The following CAPS2 variants were observed in gnomAD, a reference collection of about 807,000 sequenced individuals.
CAPS2 encodes the protein calcyphosin-2.
A neutral mutation model predicts 86.5 loss-of-function variants in CAPS2; 98 were observed. The ratio of observed to expected loss-of-function variants is 1.13; its 90% CI spans 0.96 to 1.34. CAPS2 has a LOEUF of 1.34. Ranked by LOEUF, CAPS2 falls within the 40% of genes most tolerant of loss-of-function variation. CAPS2 has a pLI of 0.00. For missense variants in CAPS2, 729 were observed against 686.8 expected, an observed-to-expected ratio of 1.06 and a Z score of -0.69; for synonymous variants, 210 against 225.1, an observed-to-expected ratio of 0.93 and a Z score of 0.60.
chr12:75,368,100 T>C (rs1207103514), intron 1 of CAPS2, among the ~76,000 whole-genome samples: 2 of 152,206 alleles, frequency 1.3e-5, no homozygotes, highest in East Asian at 1.9e-4. Context: ...CGGTTTCTAA[T>C]ATAACACAGC....
chr12:75,277,740 T>C (rs2137937318), exon 17 of CAPS2: 1 of 835,628 alleles, frequency 1.2e-6, no homozygotes, highest in East Asian at 1.2e-4. Context: ...AAGTAAATAT[T>C]TTCATTTTGA....
In CAPS2 at chr12:75,354,111, C is replaced by G. The variant is rs1026414732; in HGVS notation, c.-394-30889G>C. ...ACAAAAATGTCCTCTCTCACCACTT[C>G]TATTCAACATAGTATTGGAAGTTCT... On this transcript the variant is annotated intron_variant, in intron 1 of 5. Transcript: ENST00000551829. Among the ~76,000 whole-genome samples the G allele has an allele frequency of 5.1e-5, 7 of 136,564 alleles. No homozygotes were observed. In the East Asian group the frequency reaches 1.6e-3, roughly 31 times the overall value. 89.6% of individuals were successfully genotyped at this position (136,564 alleles called of 152,430 possible). A position where few individuals can be genotyped will look rare whatever the true frequency, so the allele number is the denominator to read the frequency against.
chr12:75,320,858 AATTT>A (rs1217426479), intron 5 of CAPS2, among the ~76,000 whole-genome samples: 1 of 151,956 alleles, frequency 6.6e-6, no homozygotes, highest in African/African-American at 2.4e-5. Flanking sequence ...TACTATGTTT[AATTT>A]ATTATTATAT....
At position 75,364,467 on chromosome 12, in the gene CAPS2, T is replaced by TGGAA. The variant is rs2043829945; in HGVS notation, c.-395+26367_-395+26370dup. Reference sequence around the variant, plus strand: ...GCCCCAGGTTCATCCTGTCCCTCAGTGGAACCCCTATTGCCAAGGGACCTA... The same window carrying TGGAA: ...GCCCCAGGTTCATCCTGTCCCTCAGTGGAAGGAACCCCTATTGCCAAGGGACCTA... On this transcript the variant is annotated intron_variant, in intron 1 of 5. Transcript: ENST00000551829. Among the ~76,000 whole-genome samples the TGGAA allele has an allele frequency of 3.9e-5, 6 of 152,324 alleles. No individual in the cohort carries two copies. In the South Asian group the frequency reaches 1.2e-3, roughly 32 times the overall value.
At chr12:75,312,508 A>C (rs1282267565) in intron 7 of CAPS2, among the ~76,000 whole-genome samples, 1 of 152,240 alleles carries the variant, frequency 6.6e-6, no homozygotes, top group East Asian at 1.9e-4. Context: ...TGCAGTGCCC[A>C]TAAGATGCAT....
chr12:75,349,109 T>C (rs2139414996), intron 1 of CAPS2, among the ~76,000 whole-genome samples: 1 of 152,262 alleles, frequency 6.6e-6, no homozygotes, highest in Non-Finnish European at 1.5e-5. Flanking sequence ...ATAATATTCC[T>C]AGAGTATTGA....
intron 14 of CAPS2, among the ~76,000 whole-genome samples, chr12:75,287,725 A>G (rs2035150170): frequency 6.6e-6 from 1 of 152,160 alleles, no homozygotes; most frequent in Non-Finnish European, 1.5e-5. Flanking sequence ...TGTAATATCC[A>G]TTAGAGTAAA....
At chr12:75,330,218 A>G (rs1369523212), upstream of CAPS2, among the ~76,000 whole-genome samples, 1 of 152,040 alleles carries the variant, frequency 6.6e-6, no homozygotes, top group Non-Finnish European at 1.5e-5. Flanking sequence ...ACCGGAACTG[A>G]GCTTGTGGCC....
At chr12:75,277,944 T>A (rs2033203258) in exon 17 of CAPS2, 2 of 846,928 alleles carry the variant, frequency 2.4e-6, no homozygotes, top group Non-Finnish European at 2.8e-6. Flanking sequence ...TTCAATTGTT[T>A]GTTATACTAA....
chr12:75,305,950 G>T, intron 7 of CAPS2: 2 of 1,172,102 alleles, frequency 1.7e-6, no homozygotes, highest in Non-Finnish European at 2.5e-6. Flanking sequence ...GGAGCCCGAG[G>T]AGCATGGACA....
chr12:75,318,763 T>C (rs904692229), intron 5 of CAPS2, among the ~76,000 whole-genome samples: 1 of 151,596 alleles, frequency 6.6e-6, no homozygotes, highest in African/African-American at 2.4e-5. Flanking sequence ...ATTCCATTGA[T>C]TGATTTTTTT....
At chr12:75,343,551 C>A in intron 1 of CAPS2, 1 of 655,890 alleles carries the variant, frequency 1.5e-6, no homozygotes, top group Non-Finnish European at 2.5e-6. Context: ...AAATCACTAA[C>A]TATGCACATA....
downstream of CAPS2, chr12:75,276,352 A>G: frequency 2.1e-6 from 3 of 1,429,484 alleles, no homozygotes; most frequent in South Asian, 4.6e-5. Context: ...AACATAGCCT[A>G]ATGTACACAA....
At chr12:75,278,218 T>C (rs2033248729) in exon 17 of CAPS2, 11 of 981,986 alleles carry the variant, frequency 1.1e-5, no homozygotes, top group Non-Finnish European at 1.3e-5. Context: ...AATAACTACA[T>C]TGTGCTCTAT....
At chr12:75,389,978 T>C (rs1314223755) in intron 1 of CAPS2, among the ~76,000 whole-genome samples, 1 of 152,202 alleles carries the variant, frequency 6.6e-6, no homozygotes, top group African/African-American at 2.4e-5. Context: ...AGGTCTATTG[T>C]TTTTCAATTG....
At chr12:75,317,252 C>T (rs1002701677) in intron 5 of CAPS2, among the ~76,000 whole-genome samples, 6 of 151,902 alleles carry the variant, frequency 3.9e-5, no homozygotes, top group Non-Finnish European at 8.8e-5. Flanking sequence ...AGTGAGCACT[C>T]GATAAATATT....
At chr12:75,366,488 A>G (rs574781397) in intron 1 of CAPS2, among the ~76,000 whole-genome samples, 3 of 152,234 alleles carry the variant, frequency 2.0e-5, no homozygotes, top group Admixed American at 6.5e-5. Flanking sequence ...TGCAAAACAG[A>G]CCATAATATG....
chr12:75,344,929 G>C (rs2042351398), intron 1 of CAPS2, among the ~76,000 whole-genome samples: 1 of 152,108 alleles, frequency 6.6e-6, no homozygotes, highest in African/African-American at 2.4e-5. Context: ...AAGTTGTCCA[G>C]TTTGGAAAGT....
At chr12:75,305,867 C>A in intron 7 of CAPS2, 1 of 768,790 alleles carries the variant, frequency 1.3e-6, no homozygotes, top group Non-Finnish European at 2.3e-6. Context: ...CGGGATGCAC[C>A]GCAGAGGCTG....
Sources: allele counts gnomAD v4.1 joint callset (sites outside exome capture counted in the v4.1 genomes callset), GRCh38; gene constraint gnomAD v4.1.1; transcripts MANE v1.5; gene names NCBI Gene and HGNC (gene_info 2026-07-23, HGNC 2026-07-21).